The following MITF variants were observed in gnomAD, a reference collection of about 807,000 sequenced individuals.
MITF encodes the protein melanocyte inducing transcription factor, also known as microphthalmia-associated transcription factor.
MITF carries 17 observed loss-of-function variants against 60.5 expected under a neutral mutation model. The ratio of observed to expected loss-of-function variants is 0.28; its 90% confidence interval spans 0.19 to 0.42. MITF has a LOEUF of 0.42. Among genes scored for constraint, MITF ranks in the 10% least tolerant of loss-of-function variants. The pLI is 1.00. For synonymous variants in MITF, 260 were observed against 248.5 expected (o/e 1.05, Z -0.43); for missense variants, 622 against 683.5 (o/e 0.91, Z 1.00).
At chr3:69,825,318 G>A (rs1324449470) in intron 1 of MITF, among the ~76,000 whole-genome samples, 1 of 152,148 alleles carries the variant, frequency 6.6e-6, no homozygotes, top group Non-Finnish European at 1.5e-5. Flanking sequence ...TCTTCTGGTT[G>A]AATAAACCAA....
intron 1 of MITF, among the ~76,000 whole-genome samples, chr3:69,771,153 G>T (rs1575688643): frequency 6.6e-6 from 1 of 152,106 alleles, no homozygotes; most frequent in African/African-American, 2.4e-5. Flanking sequence ...ACCTGCTGTT[G>T]CTATGTATGA....
intron 1 of MITF, among the ~76,000 whole-genome samples, chr3:69,766,638 C>G (rs1367138684): frequency 6.6e-6 from 1 of 152,088 alleles, no homozygotes; most frequent in African/African-American, 2.4e-5. Context: ...TGGTTGCAGA[C>G]CTATCTGTGC....
At chr3:69,765,651 G>C (rs1486930181) in intron 1 of MITF, among the ~76,000 whole-genome samples, 1 of 152,176 alleles carries the variant, frequency 6.6e-6, no homozygotes, top group Non-Finnish European at 1.5e-5. Flanking sequence ...CTGATTCTTT[G>C]CTGTTATCTT....
At chr3:69,783,037 A>G (rs1294179562) in intron 1 of MITF, among the ~76,000 whole-genome samples, 1 of 152,242 alleles carries the variant, frequency 6.6e-6, no homozygotes, top group African/African-American at 2.4e-5. Flanking sequence ...AATGTACTGT[A>G]GGATGAGAGG....
chr3:69,756,743 G>A (rs549579777), intron 1 of MITF, among the ~76,000 whole-genome samples: 5 of 152,184 alleles, frequency 3.3e-5, no homozygotes, highest in South Asian at 2.1e-4. Context: ...TAACTTGTAC[G>A]CCTACCAACA....
chr3:69,855,721 C>G (rs7641320), intron 1 of MITF, among the ~76,000 whole-genome samples: 33,000 of 151,906 alleles, frequency 0.22, 4,922 homozygotes, highest in Non-Finnish European at 0.31. Flanking sequence ...ACAACCAAAA[C>G]AAAAATGGAC....
At chr3:69,781,031 C>T (rs918501235) in intron 1 of MITF, among the ~76,000 whole-genome samples, 10 of 151,836 alleles carry the variant, frequency 6.6e-5, no homozygotes, top group African/African-American at 2.4e-4. Flanking sequence ...GTTTAGCATT[C>T]ATGTTACTTT....
rs879032613 is a variant in MITF at position 69,938,779 on chromosome 3, C to T, written c.583-319C>T. 1.0e-5 allele frequency: 14 copies of T among 1,342,910 alleles called. No homozygotes were observed. In the Admixed American group the frequency reaches 3.7e-4, roughly 36 times the overall value. 83.2% of individuals were successfully genotyped at this position (1,342,910 alleles called of 1,614,324 possible). A position where few individuals can be genotyped will look rare whatever the true frequency, so the allele number is the denominator to read the frequency against. ...ATGAGCTTCATCTCAATGGGATTTA[C>T]CGTACTATGGACTATGAAGTGTTTA... On this transcript the variant is annotated intron_variant, in intron 3 of 9. Transcript: ENST00000352241.
At chr3:69,932,559 G>A (rs1471533873) in intron 2 of MITF, among the ~76,000 whole-genome samples, 1 of 152,030 alleles carries the variant, frequency 6.6e-6, no homozygotes, top group African/African-American at 2.4e-5. Context: ...GGTTTGCTTT[G>A]TATTTGCATC....
chr3:69,908,703 A>C (rs1053835059), intron 2 of MITF, among the ~76,000 whole-genome samples: 1 of 152,204 alleles, frequency 6.6e-6, no homozygotes, highest in African/African-American at 2.4e-5. Flanking sequence ...ATTTGGCAAA[A>C]TGCATCAGAA....
intron 1 of MITF, among the ~76,000 whole-genome samples, chr3:69,778,145 C>A (rs1447258891): frequency 6.6e-6 from 1 of 151,950 alleles, no homozygotes; most frequent in Non-Finnish European, 1.5e-5. Flanking sequence ...TAAGAGAGAG[C>A]AAGGAGGGAA....
At chr3:69,919,107 T>C (rs555989574) in intron 2 of MITF, among the ~76,000 whole-genome samples, 1 of 152,200 alleles carries the variant, frequency 6.6e-6, no homozygotes, top group Non-Finnish European at 1.5e-5. Flanking sequence ...CATATTTCAA[T>C]ACCAAAACGG....
chr3:69,829,030 G>T (rs964505185), intron 1 of MITF, among the ~76,000 whole-genome samples: 1 of 152,138 alleles, frequency 6.6e-6, no homozygotes, highest in Non-Finnish European at 1.5e-5. Flanking sequence ...CATGAACTGT[G>T]TGGTGCTGTC....
intron 1 of MITF, among the ~76,000 whole-genome samples, chr3:69,868,247 A>G (rs2064153861): frequency 6.6e-6 from 1 of 152,192 alleles, no homozygotes; most frequent in African/African-American, 2.4e-5. Flanking sequence ...CAACTGCTCT[A>G]TGAAGAAGAT....
At chr3:69,884,211 C>G (rs1274424038) in intron 2 of MITF, among the ~76,000 whole-genome samples, 7 of 152,150 alleles carry the variant, frequency 4.6e-5, no homozygotes, top group Non-Finnish European at 1.5e-5. Flanking sequence ...ACCACCGCCT[C>G]CCTTCCGTCA....
At chr3:69,884,491 A>T (rs1231403907) in intron 2 of MITF, among the ~76,000 whole-genome samples, 1 of 152,114 alleles carries the variant, frequency 6.6e-6, no homozygotes, top group Non-Finnish European at 1.5e-5. Context: ...TGCAGTGAGG[A>T]CTTCTCACCC....
chr3:69,861,435 G>A (rs1396225087), intron 1 of MITF, among the ~76,000 whole-genome samples: 1 of 152,172 alleles, frequency 6.6e-6, no homozygotes, highest in Non-Finnish European at 1.5e-5. Context: ...CTTGCTTCAA[G>A]AGCACAAAAC....
intron 9 of MITF, among the ~76,000 whole-genome samples, chr3:69,959,679 G>A (rs919993581): frequency 4.6e-5 from 7 of 152,180 alleles, no homozygotes; most frequent in African/African-American, 7.2e-5. Flanking sequence ...AGGTGAGGTC[G>A]AATGACCCTG....
At chr3:69,740,515 C>T (rs547453465) in intron 1 of MITF, among the ~76,000 whole-genome samples, 13 of 152,248 alleles carry the variant, frequency 8.5e-5, no homozygotes, top group African/African-American at 2.6e-4. Context: ...GCTCTGATGC[C>T]CCATCCCCTC....
Sources: allele counts gnomAD v4.1 joint callset (sites outside exome capture counted in the v4.1 genomes callset), GRCh38; gene constraint gnomAD v4.1.1; transcripts MANE v1.5; gene names NCBI Gene and HGNC (gene_info 2026-07-23, HGNC 2026-07-21).